Variants in XYLT1 observed in about 807,000 individuals in gnomAD.
XYLT1 encodes the protein beta-D-xylosyltransferase 1.
A neutral mutation model predicts 91.3 loss-of-function variants in XYLT1; 36 were observed. The ratio of observed to expected loss-of-function variants is 0.39; its 90% CI spans 0.30 to 0.52. XYLT1 has a LOEUF of 0.52. Ranked by LOEUF, XYLT1 falls within the 20% of genes least tolerant of loss-of-function variation. The pLI is 0.68. For synonymous variants in XYLT1, 588 were observed against 532.0 expected (o/e 1.11, Z -1.45); for missense variants, 1,242 against 1,284.5 (o/e 0.97, Z 0.51).
At chr16:17,299,838 C>T (rs2141809859) in intron 2 of XYLT1, among the ~76,000 whole-genome samples, 1 of 152,272 alleles carries the variant, frequency 6.6e-6, no homozygotes, top group African/African-American at 2.4e-5. Flanking sequence ...AAGGATTCTG[C>T]TTTTCCCCCA....
At chr16:17,405,923 G>A (rs1221213994) in intron 1 of XYLT1, among the ~76,000 whole-genome samples, 5 of 152,178 alleles carry the variant, frequency 3.3e-5, no homozygotes, top group African/African-American at 4.8e-5. Flanking sequence ...GGTGACTCAC[G>A]CCTGAAATCC....
intron 3 of XYLT1, among the ~76,000 whole-genome samples, chr16:17,220,057 T>C (rs1413057760): frequency 6.6e-6 from 1 of 152,134 alleles, no homozygotes; most frequent in Non-Finnish European, 1.5e-5. Context: ...GGTCCTAGGA[T>C]TTTTTGACAG....
chr16:17,175,468 G>A (rs533782579), intron 5 of XYLT1, among the ~76,000 whole-genome samples: 1 of 152,280 alleles, frequency 6.6e-6, no homozygotes, highest in South Asian at 2.1e-4. Flanking sequence ...GAGAGGTTAA[G>A]TGACTTGGCC....
chr16:17,302,655 G>A (rs1312585159), intron 2 of XYLT1, among the ~76,000 whole-genome samples: 1 of 152,172 alleles, frequency 6.6e-6, no homozygotes, highest in Admixed American at 6.5e-5. Context: ...CTATGGTTGT[G>A]TTTCCTTTCT....
At chr16:17,366,595 T>C (rs967515766) in intron 1 of XYLT1, among the ~76,000 whole-genome samples, 26 of 152,160 alleles carry the variant, frequency 1.7e-4, no homozygotes, top group African/African-American at 4.8e-4. Flanking sequence ...CCCAGGAGGC[T>C]GAGGCACGAG....
At chr16:17,380,421 G>T (rs781075931) in intron 1 of XYLT1, among the ~76,000 whole-genome samples, 1 of 152,194 alleles carries the variant, frequency 6.6e-6, no homozygotes. Context: ...GGATATACAA[G>T]AAATTGTTAG....
chr16:17,273,023 G>A (rs1398442456), intron 2 of XYLT1, among the ~76,000 whole-genome samples: 1 of 152,160 alleles, frequency 6.6e-6, no homozygotes, highest in Non-Finnish European at 1.5e-5. Context: ...CAGGACAGGG[G>A]AACACTCGTG....
intron 9 of XYLT1, among the ~76,000 whole-genome samples, chr16:17,134,209 G>GTA (rs915321459): frequency 6.6e-6 from 1 of 152,142 alleles, no homozygotes; most frequent in Non-Finnish European, 1.5e-5. Flanking sequence ...TCCTTCTAAA[G>GTA]TATATATATG....
intron 1 of XYLT1, among the ~76,000 whole-genome samples, chr16:17,374,123 G>A (rs1334515215): frequency 6.6e-6 from 1 of 152,210 alleles, no homozygotes; most frequent in Non-Finnish European, 1.5e-5. Context: ...CTTGTCCAAG[G>A]TAGAGGAGAG....
At chr16:17,464,781 T>C (rs968243976) in intron 1 of XYLT1, among the ~76,000 whole-genome samples, 4 of 152,138 alleles carry the variant, frequency 2.6e-5, no homozygotes, top group Non-Finnish European at 5.9e-5. Flanking sequence ...TCAATATAAA[T>C]TGCATGTCTG....
intron 1 of XYLT1, among the ~76,000 whole-genome samples, chr16:17,467,089 G>C (rs1166390270): frequency 6.6e-6 from 1 of 152,120 alleles, no homozygotes; most frequent in Non-Finnish European, 1.5e-5. Context: ...AATTTCTGCC[G>C]AAAAATCAAC....
At chr16:17,325,627 G>T (rs2034789168) in intron 2 of XYLT1, among the ~76,000 whole-genome samples, 1 of 152,132 alleles carries the variant, frequency 6.6e-6, no homozygotes, top group African/African-American at 2.4e-5. Flanking sequence ...AGCTGGCATG[G>T]CGATTTTATT....
rs559349941 is a variant in XYLT1, at chr16:17,266,396, A to G, written c.403-6898T>C. Among the ~76,000 whole-genome samples the G allele has an allele frequency of 2.6e-5, 4 of 152,310 alleles. No homozygotes were observed. In the South Asian group the frequency reaches 8.3e-4, roughly 32 times the overall value. ...TTAGGTTCCGTTCCAAGCCTGTTGC[A>G]TGTACTAACTCATTTAATCTCCATG... On this transcript the variant is annotated intron_variant, in intron 2 of 11. Coordinates refer to ENST00000261381, the MANE Select transcript of XYLT1 (RefSeq NM_022166.4).
intron 3 of XYLT1, among the ~76,000 whole-genome samples, chr16:17,234,695 AAAATAAAT>A (rs4071716): frequency 2.7e-5 from 4 of 146,936 alleles, no homozygotes; most frequent in African/African-American, 1.0e-4. Context: ...GCCATGTGAT[AAAATAAAT>A]AAATAAATAA....
intron 2 of XYLT1, among the ~76,000 whole-genome samples, chr16:17,261,588 C>T (rs948018115): frequency 2.6e-5 from 4 of 152,204 alleles, no homozygotes; most frequent in Non-Finnish European, 5.9e-5. Context: ...TGCAAGCTGA[C>T]ACTGAACCAC....
intron 3 of XYLT1, chr16:17,249,856 A>G (rs2033508924): frequency 7.3e-6 from 1 of 137,202 alleles, no homozygotes. Context: ...GTTTTGTTTT[A>G]GTAGAGATGG....
At chr16:17,298,081 T>C (rs892867002) in intron 2 of XYLT1, among the ~76,000 whole-genome samples, 2 of 152,012 alleles carry the variant, frequency 1.3e-5, no homozygotes, top group Admixed American at 6.6e-5. Flanking sequence ...CACGGCTCCA[T>C]TCTACAGATG....
intron 2 of XYLT1, among the ~76,000 whole-genome samples, chr16:17,266,327 G>C (rs1173876972): frequency 1.3e-5 from 2 of 152,172 alleles, no homozygotes; most frequent in African/African-American, 2.4e-5. Flanking sequence ...AAGCATAGAA[G>C]ATAGTGCCTG....
chr16:17,251,164 G>C (rs539333963), intron 3 of XYLT1: 4 of 152,318 alleles, frequency 2.6e-5, no homozygotes, highest in Non-Finnish European at 5.9e-5. Context: ...TCTCTGCAGC[G>C]AGCGGCCAGC....
Sources: allele counts gnomAD v4.1 joint callset (sites outside exome capture counted in the v4.1 genomes callset), GRCh38; gene constraint gnomAD v4.1.1; transcripts MANE v1.5; gene names NCBI Gene and HGNC (gene_info 2026-07-23, HGNC 2026-07-21).